Variants in FAM110B observed in about 807,000 individuals in gnomAD.
FAM110B encodes the protein protein FAM110B.
Under a neutral mutation model 20.4 loss-of-function variants are expected in FAM110B, and 6 were observed. That is an observed-to-expected ratio of 0.29 (90% CI 0.16 to 0.58). FAM110B has a LOEUF of 0.58. FAM110B is among the 20% of genes least tolerant of loss of function. FAM110B has a pLI of 0.90. For missense variants in FAM110B, 434 were observed against 498.2 expected, an observed-to-expected ratio of 0.87 and a Z score of 1.23; for synonymous variants, 226 against 214.1, an observed-to-expected ratio of 1.06 and a Z score of -0.49.
intron 1 of FAM110B, among the ~76,000 whole-genome samples, chr8:58,017,849 C>T (rs1160591707): frequency 6.6e-6 from 1 of 152,070 alleles, no homozygotes; most frequent in Non-Finnish European, 1.5e-5. Context: ...CTGAGAAATA[C>T]CTGAACACAA....
intron 2 of FAM110B, among the ~76,000 whole-genome samples, chr8:58,051,750 G>T (rs1032385477): frequency 2.0e-5 from 3 of 152,150 alleles, no homozygotes; most frequent in African/African-American, 7.2e-5. Flanking sequence ...ATATCAATTT[G>T]GGGCTTTTAA....
At chr8:58,131,137 G>T (rs1367106234) in intron 3 of FAM110B, among the ~76,000 whole-genome samples, 1 of 152,030 alleles carries the variant, frequency 6.6e-6, no homozygotes, top group African/African-American at 2.4e-5. Flanking sequence ...CCATATAACC[G>T]CCTGACACCT....
chr8:58,113,887 G>A (rs1807129398), intron 3 of FAM110B, among the ~76,000 whole-genome samples: 1 of 152,206 alleles, frequency 6.6e-6, no homozygotes, highest in Non-Finnish European at 1.5e-5. Context: ...AGCAAGGAAA[G>A]AAGATAAATG....
At chr8:58,014,905 A>G (rs1804607607) in intron 1 of FAM110B, among the ~76,000 whole-genome samples, 1 of 152,228 alleles carries the variant, frequency 6.6e-6, no homozygotes, top group Non-Finnish European at 1.5e-5. Context: ...AGAAATTTTT[A>G]CTAACATCAA....
chr8:58,049,162 A>G (rs2009981), intron 2 of FAM110B, among the ~76,000 whole-genome samples: 48,800 of 151,976 alleles, frequency 0.32, 8,722 homozygotes, highest in Non-Finnish European at 0.41. Context: ...TTCAGTCCTG[A>G]ACTCTCATAT....
intron 1 of FAM110B, among the ~76,000 whole-genome samples, chr8:58,020,785 T>C (rs1804735404): frequency 6.6e-6 from 1 of 152,190 alleles, no homozygotes; most frequent in Admixed American, 6.5e-5. Flanking sequence ...AATTTGTTTT[T>C]GCATTTGTTC....
intron 3 of FAM110B, among the ~76,000 whole-genome samples, chr8:58,084,235 G>A (rs535658008): frequency 1.3e-5 from 2 of 152,260 alleles, no homozygotes; most frequent in Admixed American, 6.5e-5. Context: ...TGTACACCTC[G>A]CTAAAGAGAA....
chr8:58,129,611 G>A (rs1045916591), intron 3 of FAM110B, among the ~76,000 whole-genome samples: 6 of 152,138 alleles, frequency 3.9e-5, no homozygotes, highest in Admixed American at 3.3e-4. Context: ...CATACATGCT[G>A]TATGAGAAGT....
intron 1 of FAM110B, among the ~76,000 whole-genome samples, chr8:58,013,409 G>A (rs142360262): frequency 5.9e-5 from 9 of 152,260 alleles, no homozygotes; most frequent in Non-Finnish European, 8.8e-5. Flanking sequence ...CCAGCCTGGC[G>A]CACTTTTTGG....
intron 3 of FAM110B, among the ~76,000 whole-genome samples, chr8:58,084,539 G>T (rs1377239156): frequency 6.6e-6 from 1 of 151,870 alleles, no homozygotes; most frequent in South Asian, 2.1e-4. Flanking sequence ...ACAGGCACTC[G>T]CCACCATGCC....
At chr8:58,060,460 G>T (rs1805633050) in intron 2 of FAM110B, among the ~76,000 whole-genome samples, 1 of 152,136 alleles carries the variant, frequency 6.6e-6, no homozygotes, top group South Asian at 2.1e-4. Flanking sequence ...AAATCAGAAA[G>T]GAAAATAGAT....
intron 3 of FAM110B, among the ~76,000 whole-genome samples, chr8:58,103,835 C>T (rs1241330677): frequency 6.6e-6 from 1 of 152,146 alleles, no homozygotes; most frequent in Non-Finnish European, 1.5e-5. Context: ...TTGAAGTTCA[C>T]GTAGTGCTGT....
chr8:58,115,416 C>A (rs569455641), intron 3 of FAM110B, among the ~76,000 whole-genome samples: 1 of 152,166 alleles, frequency 6.6e-6, no homozygotes, highest in East Asian at 1.9e-4. Flanking sequence ...TTTTTGGAGA[C>A]AGAGTCTCGC....
intron 1 of FAM110B, among the ~76,000 whole-genome samples, chr8:58,011,460 T>G (rs918873496): frequency 6.6e-6 from 1 of 152,180 alleles, no homozygotes; most frequent in Non-Finnish European, 1.5e-5. Flanking sequence ...GGTTCACCTT[T>G]TGACATAAAG....
chr8:58,023,885 A>C (rs143287975), intron 1 of FAM110B, among the ~76,000 whole-genome samples: 22 of 152,338 alleles, frequency 1.4e-4, no homozygotes, highest in Admixed American at 3.3e-4. Flanking sequence ...GTTAAAAATG[A>C]AACTGTGAGC....
chr8:58,000,667 T>C (rs1201512035), intron 1 of FAM110B, among the ~76,000 whole-genome samples: 2 of 152,192 alleles, frequency 1.3e-5, no homozygotes, highest in African/African-American at 4.8e-5. Flanking sequence ...GGGGCCACCA[T>C]TTCTACTCTT....
At chr8:58,006,923 A>ATATATATATATATATATATATATTTTTTT in intron 1 of FAM110B, among the ~76,000 whole-genome samples, 3 of 126,532 alleles carry the variant, frequency 2.4e-5, no homozygotes, top group African/African-American at 9.1e-5. Flanking sequence ...ATATATATAT[A>ATATATATATATATATATATATATTTTTTT]TTTTTCCAAA....
In FAM110B at chr8:58,039,174, G is replaced by A. The variant is rs552869205; in HGVS notation, c.-414+7471G>A. 7.2e-5 allele frequency among the ~76,000 whole-genome samples: 11 copies of A among 152,316 alleles called. No homozygotes were observed. In the East Asian group the frequency reaches 1.9e-3, roughly 27 times the overall value. On this transcript the variant is annotated intron_variant, in intron 2 of 3. Transcript: ENST00000519262. The stretch of plus-strand genomic sequence containing the variant: ...GCCAGCCTGGGCTGGCACTCACAGG[G>A]CCCCTCCTTGCTGGCCCTGCTGAGC...
intron 3 of FAM110B, among the ~76,000 whole-genome samples, chr8:58,132,927 G>A (rs1803512018): frequency 6.6e-6 from 1 of 152,112 alleles, no homozygotes; most frequent in African/African-American, 2.4e-5. Flanking sequence ...TCACTTTGGG[G>A]AGTTATTTTT....
Sources: gnomAD v4.1 joint callset for allele counts (sites outside exome capture counted in the v4.1 genomes callset) on GRCh38, gnomAD v4.1.1 for gene constraint, MANE v1.5 for transcripts, NCBI Gene and HGNC (gene_info 2026-07-23, HGNC 2026-07-21) for gene names.